PCDHA6: variants seen among roughly 807,000 people sequenced by gnomAD.
The protein encoded by PCDHA6 is protocadherin alpha-6.
A neutral mutation model predicts 60.3 loss-of-function variants in PCDHA6; 55 were observed. The ratio of observed to expected loss-of-function variants is 0.91; its 90% CI spans 0.73 to 1.14. The LOEUF (loss-of-function observed/expected upper bound fraction) is 1.14, where lower values mean the gene tolerates loss of function less well. PCDHA6 is among the 50% of genes most tolerant of loss of function. The pLI, the probability that PCDHA6 is intolerant of heterozygous loss-of-function variation, is 0.00. For synonymous variants in PCDHA6, 652 were observed against 557.9 expected, an observed-to-expected ratio of 1.17 and a Z score of -2.38; for missense variants, 1,327 against 1,256.5, an observed-to-expected ratio of 1.06 and a Z score of -0.85.
chr5:140,967,997 C>T (rs551685820), intron 1 of PCDHA6: 1 of 1,614,102 alleles, frequency 6.2e-7, no homozygotes, highest in Non-Finnish European at 8.5e-7. Flanking sequence ...ACTGCCTTTC[C>T]GACTGAATGG....
At chr5:140,922,150 T>C (rs999486530) in intron 1 of PCDHA6, among the ~76,000 whole-genome samples, 5 of 151,298 alleles carry the variant, frequency 3.3e-5, no homozygotes, top group African/African-American at 1.2e-4. Flanking sequence ...ATGAAACTCA[T>C]CAAAAACAAC....
At chr5:140,870,570 G>A in intron 1 of PCDHA6, 1 of 1,613,972 alleles carries the variant, frequency 6.2e-7, no homozygotes, top group Non-Finnish European at 8.5e-7. Flanking sequence ...ACGCGCTGGT[G>A]TCCTACTCGC....
At chr5:140,948,371 T>G (rs1310252601) in intron 1 of PCDHA6, among the ~76,000 whole-genome samples, 1 of 151,586 alleles carries the variant, frequency 6.6e-6, no homozygotes, top group Non-Finnish European at 1.5e-5. Flanking sequence ...TTAGGAGGTG[T>G]TCCTTCCTCT....
intron 3 of PCDHA6, among the ~76,000 whole-genome samples, chr5:140,984,425 A>G (rs1488284803): frequency 6.6e-6 from 1 of 152,174 alleles, no homozygotes; most frequent in Non-Finnish European, 1.5e-5. Context: ...GAGATAGAGA[A>G]GGGGATCTCC....
At chr5:140,911,258 T>C (rs265316) in intron 1 of PCDHA6, among the ~76,000 whole-genome samples, 87,913 of 151,980 alleles carry the variant, frequency 0.58, 26,381 homozygotes, top group African/African-American at 0.75. Flanking sequence ...TCAGAATTTA[T>C]AATCTCAGTG....
At chr5:140,947,755 G>T (rs1415482913) in intron 1 of PCDHA6, among the ~76,000 whole-genome samples, 1 of 151,450 alleles carries the variant, frequency 6.6e-6, no homozygotes, top group Non-Finnish European at 1.5e-5. Flanking sequence ...GTATTTTATG[G>T]TTTAAAAAAT....
chr5:140,922,883 T>G (rs963654982), intron 1 of PCDHA6, among the ~76,000 whole-genome samples: 2 of 152,134 alleles, frequency 1.3e-5, no homozygotes, highest in African/African-American at 2.4e-5. Flanking sequence ...TCCAAAGACA[T>G]CATTCAAGAA....
chr5:140,939,090 A>C (rs1563171940), intron 1 of PCDHA6, among the ~76,000 whole-genome samples: 1 of 152,192 alleles, frequency 6.6e-6, no homozygotes, highest in Non-Finnish European at 1.5e-5. Flanking sequence ...GGGTGGCTTA[A>C]AAACAATAGA....
At chr5:140,836,443 C>A (rs1774486364) in intron 1 of PCDHA6, 5 of 1,613,726 alleles carry the variant, frequency 3.1e-6, no homozygotes, top group African/African-American at 1.3e-5. Flanking sequence ...TTGGGCATTG[C>A]AGGCCCAGAG....
At chr5:140,857,087 C>T (rs782316831) in intron 1 of PCDHA6, 8 of 1,597,160 alleles carry the variant, frequency 5.0e-6, no homozygotes, top group East Asian at 2.2e-5. Flanking sequence ...TGATAATTCA[C>T]CTGAGGTGAT....
intron 1 of PCDHA6, among the ~76,000 whole-genome samples, chr5:140,962,147 T>C (rs2095660496): frequency 1.3e-5 from 2 of 152,176 alleles, no homozygotes; most frequent in South Asian, 4.1e-4. Context: ...AGTGCTGGGA[T>C]TACAGGCGTG....
intron 3 of PCDHA6, among the ~76,000 whole-genome samples, chr5:141,008,201 A>T (rs2098364434): frequency 6.6e-6 from 1 of 152,212 alleles, no homozygotes; most frequent in Admixed American, 6.5e-5. Context: ...TAATATAATG[A>T]ACTTGACATG....
intron 1 of PCDHA6, among the ~76,000 whole-genome samples, chr5:140,957,202 A>G (rs75358038): frequency 1.8e-4 from 28 of 152,316 alleles, no homozygotes; most frequent in Non-Finnish European, 2.9e-4. Flanking sequence ...TGGGAATATA[A>G]ATAGGCACAA....
intron 1 of PCDHA6, chr5:140,871,406 T>C (rs1406444669): frequency 1.2e-6 from 2 of 1,614,032 alleles, no homozygotes; most frequent in Non-Finnish European, 1.7e-6. Flanking sequence ...AAGACGGACC[T>C]CATGGCCTTC....
intron 1 of PCDHA6, chr5:140,849,885 G>C (rs2150456327): frequency 1.3e-6 from 2 of 1,598,614 alleles, no homozygotes; most frequent in Non-Finnish European, 1.7e-6. Flanking sequence ...CACGGTGTTC[G>C]TGAAGGAGAA....
chr5:140,841,970 G>C, intron 1 of PCDHA6: 6 of 1,613,902 alleles, frequency 3.7e-6, no homozygotes, highest in Non-Finnish European at 5.1e-6. Context: ...AGCCACAGAT[G>C]GGGGCAAACC....
chr5:140,966,709 G>C, intron 1 of PCDHA6: 1 of 1,387,174 alleles, frequency 7.2e-7, no homozygotes. Context: ...CGTGGGGCAC[G>C]GCTGGGGAAG....
At position 140,882,346 on chromosome 5, in the gene PCDHA6, G is replaced by C. The variant is rs146510190; in HGVS notation, c.2394+51861G>C. 1,878 of 1,614,194 alleles carry C rather than the reference G, an allele frequency of 1.2e-3. 37 individuals are homozygous for C. In the South Asian group the frequency reaches 0.019, roughly 17 times the overall value. On this transcript the variant is annotated intron_variant, in intron 1 of 3. Transcript: ENST00000529310. ...TTCTGATCCTCGCAGCCTGGGAGAC[G>C]GGTAGTGGCCAGCTCCACTACTCCG...
At chr5:140,927,610 A>C in intron 1 of PCDHA6, 2 of 1,614,162 alleles carry the variant, frequency 1.2e-6, no homozygotes, top group Non-Finnish European at 1.7e-6. Flanking sequence ...CGTATACCGC[A>C]CCAAGGTTCC....
Sources: gnomAD v4.1 joint callset for allele counts (sites outside exome capture counted in the v4.1 genomes callset) on GRCh38, gnomAD v4.1.1 for gene constraint, MANE v1.5 for transcripts, NCBI Gene and HGNC (gene_info 2026-07-23, HGNC 2026-07-21) for gene names.